Variants in CHRM3 observed in about 807,000 individuals in gnomAD.
CHRM3 encodes the protein cholinergic receptor muscarinic 3.
In CHRM3, 11 loss-of-function variants were observed where a neutral mutation model predicts 41.8. The ratio of observed to expected loss-of-function variants is 0.26; its 90% CI spans 0.17 to 0.44. The LOEUF is 0.44. Ranked by LOEUF, CHRM3 falls within the 20% of genes least tolerant of loss-of-function variation. CHRM3 has a pLI of 1.00. For missense variants in CHRM3, 571 were observed against 745.4 expected (o/e 0.77, Z 2.72); for synonymous variants, 297 against 301.4 (o/e 0.99, Z 0.15).
At chr1:239,497,656 A>C (rs1667970782) in intron 2 of CHRM3, among the ~76,000 whole-genome samples, 1 of 152,246 alleles carries the variant, frequency 6.6e-6, no homozygotes, top group African/African-American at 2.4e-5. Flanking sequence ...AGGTGATAAA[A>C]GAGAGGTAAA....
At chr1:239,904,085 A>G (rs977947984) in intron 6 of CHRM3, among the ~76,000 whole-genome samples, 2 of 152,242 alleles carry the variant, frequency 1.3e-5, no homozygotes, top group African/African-American at 4.8e-5. Flanking sequence ...CCAGCATGGC[A>G]TAAGTCCTGA....
At chr1:239,443,876 A>T (rs1663921765) in intron 1 of CHRM3, among the ~76,000 whole-genome samples, 1 of 152,202 alleles carries the variant, frequency 6.6e-6, no homozygotes, top group African/African-American at 2.4e-5. Context: ...AAGAGAATTG[A>T]AATCCACATT....
In CHRM3 at chr1:239,904,687, A is replaced by C. The variant is rs535911861; in HGVS notation, c.-19-2746A>C. On this transcript the variant is annotated intron_variant, in intron 6 of 6. Coordinates refer to ENST00000676153, the MANE Select transcript of CHRM3 (RefSeq NM_001375978.1). ...GACACCTAATAAAACCCAAATATTT[A>C]AAAAAAGTAAAAGAGAATAGTCTTG... 2.0e-5 allele frequency among the ~76,000 whole-genome samples: 3 copies of C among 152,304 alleles called. No homozygotes were observed. The South Asian group carries it at 6.2e-4, about 32-fold the overall frequency.
Position 239,914,887 on chromosome 1 carries a change from C to A in CHRM3, c.*5663C>A, listed in dbSNP as rs1680562027. ...CCTTCTAGCCATTCCTCATCCAGTA[C>A]ATGGGCATTTCCAGCCTCCTACATG... On this transcript the variant is annotated 3_prime_UTR_variant, in exon 7 of 7. Transcript: ENST00000676153. 1 of 167,022 alleles carries A rather than the reference C, an allele frequency of 6.0e-6. No individual in the cohort carries two copies. The highest frequency in any genetic ancestry group is 1.5e-5 in the Non-Finnish European group (1 of 68,126). 10.3% of individuals were successfully genotyped at this position (167,022 alleles called of 1,614,324 possible).
intron 1 of CHRM3, among the ~76,000 whole-genome samples, chr1:239,392,174 A>G (rs1428149500): frequency 1.3e-5 from 2 of 152,120 alleles, no homozygotes; most frequent in Non-Finnish European, 2.9e-5. Flanking sequence ...CTCTGATTCA[A>G]TCTCAGTGTG....
At chr1:239,749,832 A>G (rs1210564254) in intron 5 of CHRM3, among the ~76,000 whole-genome samples, 1 of 152,230 alleles carries the variant, frequency 6.6e-6, no homozygotes, top group East Asian at 1.9e-4. Flanking sequence ...TAAGTAGGGT[A>G]TTCTGACCTC....
intron 3 of CHRM3, among the ~76,000 whole-genome samples, chr1:239,622,780 C>T (rs1668527902): frequency 6.6e-6 from 1 of 152,116 alleles, no homozygotes. Context: ...ATTACGTAAA[C>T]TTAGTAAAGC....
chr1:239,585,903 C>T (rs367775371), intron 3 of CHRM3, among the ~76,000 whole-genome samples: 97 of 152,262 alleles, frequency 6.4e-4, no homozygotes, highest in African/African-American at 2.2e-3. Flanking sequence ...AAAAGATTCC[C>T]CTGCAATGTC....
At chr1:239,543,260 A>C (rs186031058) in intron 2 of CHRM3, among the ~76,000 whole-genome samples, 1 of 152,182 alleles carries the variant, frequency 6.6e-6, no homozygotes, top group Non-Finnish European at 1.5e-5. Context: ...TGGGCCCGAC[A>C]TGAAGTGTGG....
intron 1 of CHRM3, among the ~76,000 whole-genome samples, chr1:239,426,683 A>G (rs1282850917): frequency 6.6e-6 from 1 of 152,158 alleles, no homozygotes; most frequent in African/African-American, 2.4e-5. Flanking sequence ...CATTCAACCA[A>G]CACACTTACT....
intron 5 of CHRM3, among the ~76,000 whole-genome samples, chr1:239,786,777 C>A (rs1044993324): frequency 6.6e-6 from 1 of 152,130 alleles, no homozygotes; most frequent in Admixed American, 6.5e-5. Flanking sequence ...CGTAGTGTCA[C>A]CCGGCTTTGG....
At position 239,913,903 on chromosome 1, in the gene CHRM3, T is replaced by C. The variant is rs1196412151; in HGVS notation, c.*4679T>C. On this transcript the variant is annotated 3_prime_UTR_variant, in exon 7 of 7. Transcript: ENST00000676153. ...GCGTTGCTAGAATATCAGGCCTATGTTTGTTCTGGTAGAACCACAGAGACT... is the reference window on the plus strand; with the variant it reads ...GCGTTGCTAGAATATCAGGCCTATGCTTGTTCTGGTAGAACCACAGAGACT... The C allele has an allele frequency of 6.0e-6, 1 of 166,994 alleles. No individual in the cohort carries two copies. The highest frequency in any genetic ancestry group is 1.5e-5 in the Non-Finnish European group (1 of 68,108). 10.3% of individuals were successfully genotyped at this position (166,994 alleles called of 1,614,324 possible).
chr1:239,776,661 A>G (rs2148769588), intron 5 of CHRM3, among the ~76,000 whole-genome samples: 1 of 152,302 alleles, frequency 6.6e-6, no homozygotes, highest in Admixed American at 6.5e-5. Flanking sequence ...GTGGAATATA[A>G]TATACTTGTA....
chr1:239,744,344 A>G (rs1460261525), intron 5 of CHRM3, among the ~76,000 whole-genome samples: 4 of 152,132 alleles, frequency 2.6e-5, no homozygotes, highest in Non-Finnish European at 5.9e-5. Flanking sequence ...ATTCTAGGGG[A>G]AAAATACAAA....
intron 2 of CHRM3, among the ~76,000 whole-genome samples, chr1:239,520,453 C>T (rs1669565787): frequency 6.6e-6 from 1 of 152,006 alleles, no homozygotes; most frequent in South Asian, 2.1e-4. Flanking sequence ...CGGTGTGGCA[C>T]CCCGCTTGCT....
At chr1:239,590,874 A>G (rs933533231) in intron 3 of CHRM3, among the ~76,000 whole-genome samples, 1 of 152,058 alleles carries the variant, frequency 6.6e-6, no homozygotes, top group Non-Finnish European at 1.5e-5. Context: ...TTTCATGGGA[A>G]AAAAAAAGAA....
intron 5 of CHRM3, among the ~76,000 whole-genome samples, chr1:239,697,486 T>C (rs140339144): frequency 5.3e-5 from 8 of 152,056 alleles, no homozygotes; most frequent in Non-Finnish European, 8.8e-5. Context: ...AAATCACCAT[T>C]TAGCATGTTT....
chr1:239,792,169 C>T (rs1669404969), intron 5 of CHRM3, among the ~76,000 whole-genome samples: 1 of 152,088 alleles, frequency 6.6e-6, no homozygotes, highest in Non-Finnish European at 1.5e-5. Flanking sequence ...CTTCCTTTGC[C>T]CTTTCTTCCT....
intron 1 of CHRM3, among the ~76,000 whole-genome samples, chr1:239,461,205 AT>A (rs1320025089): frequency 6.6e-6 from 1 of 152,142 alleles, no homozygotes; most frequent in African/African-American, 2.4e-5. Context: ...ATAAGGAGAG[AT>A]TTATATGGGT....
Sources: gnomAD v4.1 joint callset for allele counts (sites outside exome capture counted in the v4.1 genomes callset) on GRCh38, gnomAD v4.1.1 for gene constraint, MANE v1.5 for transcripts, NCBI Gene and HGNC (gene_info 2026-07-23, HGNC 2026-07-21) for gene names.